The following C22orf31 variants were observed in gnomAD, a reference collection of about 807,000 sequenced individuals.
The protein encoded by C22orf31 is chromosome 22 open reading frame 31.
Under a neutral mutation model 15.0 loss-of-function variants are expected in C22orf31, and 11 were observed. The observed-to-expected ratio is 0.73, with a 90% CI of 0.46 to 1.21. C22orf31 has a LOEUF of 1.21. Among genes scored for constraint, C22orf31 ranks in the 50% most tolerant of loss-of-function variants. The pLI, the probability that C22orf31 is intolerant of heterozygous loss-of-function variation, is 0.00. For synonymous variants in C22orf31, 132 were observed against 133.3 expected, an observed-to-expected ratio of 0.99 and a Z score of 0.07; for missense variants, 340 against 347.2, an observed-to-expected ratio of 0.98 and a Z score of 0.17.
intron 2 of C22orf31, 134 bp from the exon 3 acceptor site, chr22:29,059,316 A>AAC: frequency 1.4e-6 from 1 of 705,478 alleles, no homozygotes; most frequent in Non-Finnish European, 2.3e-6. Flanking sequence ...TAGTTTACTG[A>AAC]ATTCCTTTAT....
chr22:29,070,152 G>C, the C22orf31 span, among the ~76,000 whole-genome samples: 4 of 151,998 alleles, frequency 2.6e-5, no homozygotes, highest in Non-Finnish European at 5.9e-5. Flanking sequence ...TCACCATGTT[G>C]GCCAGGCTGG....
the C22orf31 span, among the ~76,000 whole-genome samples, chr22:29,072,795 A>C: frequency 1.3e-5 from 2 of 151,856 alleles, no homozygotes; most frequent in Non-Finnish European, 2.9e-5. Context: ...TGCTGATCCT[A>C]CCCTTGGATG....
chr22:29,068,751 A>G, the C22orf31 span, among the ~76,000 whole-genome samples: 23,328 of 137,100 alleles, frequency 0.17, 2,342 homozygotes, highest in East Asian at 0.48. Flanking sequence ...AGGTGGCTCA[A>G]CCTGGTACTT....
chr22:29,063,114 G>A (rs1205606440), upstream of C22orf31, among the ~76,000 whole-genome samples: 3 of 152,042 alleles, frequency 2.0e-5, no homozygotes, highest in African/African-American at 7.2e-5. Flanking sequence ...TGGCTTTCCT[G>A]CACCTCATCT....
At chr22:29,068,685 C>T in the C22orf31 span, among the ~76,000 whole-genome samples, 1 of 151,500 alleles carries the variant, frequency 6.6e-6, no homozygotes, top group South Asian at 2.1e-4. Context: ...GCTGGGATTA[C>T]AGGCGTAAGC....
the C22orf31 span, among the ~76,000 whole-genome samples, chr22:29,070,009 G>A: frequency 8.5e-5 from 12 of 141,696 alleles, no homozygotes; most frequent in Non-Finnish European, 1.2e-4. Context: ...GCAGTGGCAC[G>A]ATCTTGGCTC....
the C22orf31 span, among the ~76,000 whole-genome samples, chr22:29,067,597 C>T: frequency 3.3e-5 from 5 of 152,090 alleles, no homozygotes; most frequent in Non-Finnish European, 5.9e-5. Flanking sequence ...GCATGAGCCA[C>T]CACGCCCGGC....
At chr22:29,073,898 C>T in the C22orf31 span, among the ~76,000 whole-genome samples, 1 of 152,156 alleles carries the variant, frequency 6.6e-6, no homozygotes, top group Non-Finnish European at 1.5e-5. The surrounding 1 kb of genome is among the most constrained non-coding windows in gnomAD (Gnocchi z 4.4). Flanking sequence ...ACGACTCCCC[C>T]GCTACAAGAG....
chr22:29,065,085 C>T (rs951858268), upstream of C22orf31, among the ~76,000 whole-genome samples: 1 of 152,050 alleles, frequency 6.6e-6, no homozygotes, highest in Admixed American at 6.6e-5. Context: ...GAACTCCTGA[C>T]CTCGTGATCT....
the C22orf31 span, chr22:29,073,114 C>T: frequency 3.1e-6 from 3 of 973,424 alleles, no homozygotes; most frequent in Non-Finnish European, 3.7e-6. This position sits in a 1 kb window ranked among gnomAD's most constrained non-coding sequence, Gnocchi z 4.4. Context: ...CGCCCCGGGG[C>T]CCCGCACTGA....
At chr22:29,062,704 C>A (rs1327381402), upstream of C22orf31, among the ~76,000 whole-genome samples, 5 of 151,986 alleles carry the variant, frequency 3.3e-5, no homozygotes, top group Non-Finnish European at 5.9e-5. Context: ...TAAGTGTTGT[C>A]CCTGGAGTGA....
upstream of C22orf31, among the ~76,000 whole-genome samples, chr22:29,064,571 T>A (rs2037416096): frequency 6.6e-6 from 1 of 151,724 alleles, no homozygotes; most frequent in Non-Finnish European, 1.5e-5. Context: ...TGGAGTGCAG[T>A]GGTGTGATCA....
At chr22:29,071,151 T>G in the C22orf31 span, among the ~76,000 whole-genome samples, 2,342 of 147,484 alleles carry the variant, frequency 0.016, 55 homozygotes, top group African/African-American at 0.057. Flanking sequence ...GGATCACCGG[T>G]GGCAGGAGGT....
At position 29,060,490 on chromosome 22, in the gene C22orf31, G is replaced by T. The variant is rs1307244281; in HGVS notation, c.357C>A (p.Ala119=). Residue 119 remains alanine, a synonymous_variant, in exon 2 of 3, where the codon GCC becomes GCA. Coordinates refer to ENST00000216071, the MANE Select transcript of C22orf31 (RefSeq NM_015370.2). ...TGGAACTGATGAAGTTTCTTTTCCT[G>T]GCCTGCTGGGTGGCTTTCATCACTG... ...DDSVMKATQQ[A]RKRNFISSKS... The T allele has an allele frequency of 6.2e-7, 1 of 1,613,916 alleles. No individual in the cohort carries two copies. The highest frequency in any genetic ancestry group is 1.7e-5 in the Admixed American group (1 of 59,996).
chr22:29,060,238 C>T (rs1173832670), intron 2 of C22orf31, among the ~76,000 whole-genome samples, 177 bp downstream of exon 2: 1 of 149,150 alleles, frequency 6.7e-6, no homozygotes, highest in African/African-American at 2.5e-5. Context: ...CCCTATGTTG[C>T]CCAGGCTGGT....
chr22:29,070,756 C>T, the C22orf31 span, among the ~76,000 whole-genome samples: 10 of 152,092 alleles, frequency 6.6e-5, no homozygotes, highest in Non-Finnish European at 1.0e-4. Context: ...GAGGCCCTGT[C>T]TCCAGAAAAA....
chr22:29,060,302 A>G, intron 2 of C22orf31, 113 bp downstream of exon 2: 1 of 1,029,298 alleles, frequency 9.7e-7, no homozygotes, highest in South Asian at 1.6e-5. Context: ...CAAAGTGCTG[A>G]GATTATAGGC....
upstream of C22orf31, chr22:29,061,852 T>C: frequency 1.5e-6 from 2 of 1,350,936 alleles, no homozygotes; most frequent in Non-Finnish European, 2.1e-6. Flanking sequence ...ATATGTATTT[T>C]CTCTTTCCTT....
At position 29,059,098 on chromosome 22, in the gene C22orf31, C is replaced by T. The variant is rs759987285; in HGVS notation, c.517G>A (p.Ala173Thr). Residue 173 changes from alanine (A) to threonine (T), a missense_variant, in exon 3 of 3, where the codon GCG (alanine) becomes ACG (threonine). Transcript: ENST00000216071. Reference sequence around the variant, plus strand: ...GCTGTCCCACTGTCCTGGGGTAGCGCTTGGGTGGCAGCCACATGTTCAGCA... The same window carrying T: ...GCTGTCCCACTGTCCTGGGGTAGCGTTTGGGTGGCAGCCACATGTTCAGCA... ...RYAEHVAATQ[A>T]LPQDSGTAAW... 3 of 1,614,180 alleles carry T rather than the reference C, an allele frequency of 1.9e-6. No homozygotes were observed. The highest frequency in any genetic ancestry group is 1.1e-5 in the South Asian group (1 of 91,080).
Sources: allele counts gnomAD v4.1 joint callset (sites outside exome capture counted in the v4.1 genomes callset), GRCh38; gene constraint gnomAD v4.1.1; non-coding constraint Gnocchi (gnomAD v3.1); transcripts MANE v1.5; gene names NCBI Gene and HGNC (gene_info 2026-07-23, HGNC 2026-07-21).